The following KCNN2 variants were observed in gnomAD, a reference collection of about 807,000 sequenced individuals.
The protein encoded by KCNN2 is potassium calcium-activated channel subfamily N member 2.
A neutral mutation model predicts 55.5 loss-of-function variants in KCNN2; 24 were observed. That is an observed-to-expected ratio of 0.43 (90% CI 0.31 to 0.61). KCNN2 has a LOEUF of 0.61. KCNN2 is among the 20% of genes least tolerant of loss of function. KCNN2 has a pLI of 0.08. For missense variants in KCNN2, 754 were observed against 853.6 expected (o/e 0.88, Z 1.45); for synonymous variants, 431 against 336.1 (o/e 1.28, Z -3.09).
chr5:114,295,686 C>T lies in KCNN2; in HGVS notation c.-184-65259C>T, dbSNP rs565553299. Reference sequence around the variant, plus strand: ...CAATGCCTCACCCTGCTTCAGCTCACGCACGATGCACTAAACCCACTTTCC... The same window carrying T: ...CAATGCCTCACCCTGCTTCAGCTCATGCACGATGCACTAAACCCACTTTCC... On this transcript the variant is annotated intron_variant, in intron 2 of 10. Coordinates refer to the KCNN2 transcript ENST00000512097. Among the ~76,000 whole-genome samples the T allele has an allele frequency of 2.6e-4, 39 of 152,222 alleles. No homozygotes were observed. In the South Asian group the frequency reaches 4.6e-3, roughly 18 times the overall value.
At chr5:114,074,192 G>T (rs1750633234) in intron 1 of KCNN2, among the ~76,000 whole-genome samples, 1 of 151,898 alleles carries the variant, frequency 6.6e-6, no homozygotes, top group African/African-American at 2.4e-5. Context: ...TATGTTGATG[G>T]GATCTATCTT....
intron 6 of KCNN2, chr5:114,488,906 A>T (rs1747709923): frequency 6.6e-6 from 1 of 152,160 alleles, no homozygotes; most frequent in African/African-American, 2.4e-5. Context: ...GTGAGAAGGT[A>T]TGTATGTCCA....
chr5:114,079,781 A>G (rs898575182), intron 1 of KCNN2, among the ~76,000 whole-genome samples: 32 of 151,870 alleles, frequency 2.1e-4, no homozygotes, highest in Non-Finnish European at 7.4e-5. Context: ...TGCTGCAGCC[A>G]TCAGCTTTAA....
chr5:114,321,991 TTC>T (rs1270271292), intron 2 of KCNN2, among the ~76,000 whole-genome samples: 1 of 152,210 alleles, frequency 6.6e-6, no homozygotes, highest in Non-Finnish European at 1.5e-5. Flanking sequence ...TGTATTTAGC[TTC>T]TGTCTTCAGA....
chr5:114,297,243 A>C (rs911249683), intron 2 of KCNN2, among the ~76,000 whole-genome samples: 22 of 152,122 alleles, frequency 1.4e-4, no homozygotes, highest in Non-Finnish European at 2.8e-4. Flanking sequence ...ACTTAAGTCC[A>C]GGAGTTGGAG....
chr5:114,241,609 C>T (rs1754621456), intron 2 of KCNN2, among the ~76,000 whole-genome samples: 1 of 149,692 alleles, frequency 6.7e-6, no homozygotes. Flanking sequence ...AGCTAAGAAC[C>T]TTGTCTTTCA....
chr5:114,316,654 G>C (rs915390336), intron 2 of KCNN2, among the ~76,000 whole-genome samples: 2 of 152,070 alleles, frequency 1.3e-5, no homozygotes, highest in Non-Finnish European at 2.9e-5. Flanking sequence ...TGTTAACATG[G>C]TCCCCAAAAT....
intron 1 of KCNN2, among the ~76,000 whole-genome samples, chr5:114,134,160 G>A (rs554693501): frequency 1.2e-3 from 188 of 151,512 alleles, no homozygotes; most frequent in Middle Eastern, 3.4e-3. Flanking sequence ...GGCTAAGGCC[G>A]GCTTTTTTTT....
chr5:114,341,767 A>G (rs931104035), intron 2 of KCNN2, among the ~76,000 whole-genome samples: 3 of 152,300 alleles, frequency 2.0e-5, no homozygotes, highest in African/African-American at 7.2e-5. Flanking sequence ...GGACTTTTCT[A>G]TCCTTAGGTT....
chr5:114,321,660 T>TG (rs1554081356), intron 2 of KCNN2, among the ~76,000 whole-genome samples: 2 of 151,726 alleles, frequency 1.3e-5, no homozygotes, highest in African/African-American at 2.4e-5. Flanking sequence ...TGTTTTTTTT[T>TG]TTTGTTGTTG....
chr5:114,449,928 G>A (rs1322616114), intron 3 of KCNN2, among the ~76,000 whole-genome samples: 2 of 149,218 alleles, frequency 1.3e-5, no homozygotes, highest in African/African-American at 5.1e-5. Context: ...TCGCGTGCGC[G>A]CACTCTTCCC....
Position 114,212,023 on chromosome 5 carries a change from T to C in KCNN2, c.-270-9457T>C, listed in dbSNP as rs138234453. Among the ~76,000 whole-genome samples the C allele has an allele frequency of 8.7e-3, 1,322 of 151,708 alleles. 23 individuals are homozygous for C. Among genetic ancestry groups the C allele is most frequent in the African/African-American group, 0.029 (1,212 of 41,490 alleles). The stretch of plus-strand genomic sequence containing the variant: ...ATTTTATTATATGAGCATGTACTTA[T>C]TACATTTATTAAATATATGTTAAGT... On this transcript the variant is annotated intron_variant, in intron 1 of 10. Coordinates refer to the KCNN2 transcript ENST00000512097.
At chr5:114,161,963 T>C (rs1475657370) in intron 1 of KCNN2, among the ~76,000 whole-genome samples, 2 of 152,196 alleles carry the variant, frequency 1.3e-5, no homozygotes, top group South Asian at 2.1e-4. Flanking sequence ...TCCTTTAGCT[T>C]GGAGTAGTTT....
At chr5:114,065,857 T>G (rs1011531649) in intron 1 of KCNN2, among the ~76,000 whole-genome samples, 6 of 77,086 alleles carry the variant, frequency 7.8e-5, no homozygotes, top group African/African-American at 2.2e-4. Flanking sequence ...TTTTTTTTTT[T>G]TTTTTTTTTT....
intron 2 of KCNN2, among the ~76,000 whole-genome samples, chr5:114,278,857 C>A (rs913789111): frequency 6.6e-6 from 1 of 152,154 alleles, no homozygotes; most frequent in Non-Finnish European, 1.5e-5. Flanking sequence ...TACTTCAGCT[C>A]ACCCTCTGTG....
chr5:114,166,503 A>C (rs1752916449), intron 1 of KCNN2, among the ~76,000 whole-genome samples: 4 of 152,152 alleles, frequency 2.6e-5, no homozygotes, highest in African/African-American at 9.7e-5. Flanking sequence ...CTAACTGGTA[A>C]AACAATGTGA....
At chr5:114,154,024 G>C (rs577812191) in intron 1 of KCNN2, among the ~76,000 whole-genome samples, 7 of 152,230 alleles carry the variant, frequency 4.6e-5, no homozygotes, top group South Asian at 4.1e-4. Context: ...CCTGTGTTCT[G>C]GCCCCAGGTT....
At chr5:114,382,478 C>G (rs1216938168) in intron 2 of KCNN2, among the ~76,000 whole-genome samples, 1 of 152,166 alleles carries the variant, frequency 6.6e-6, no homozygotes, top group Non-Finnish European at 1.5e-5. Context: ...TAGTTACTCT[C>G]TAGTCTCGTG....
intron 2 of KCNN2, among the ~76,000 whole-genome samples, chr5:114,274,412 T>A (rs1031170876): frequency 6.6e-6 from 1 of 152,346 alleles, no homozygotes; most frequent in East Asian, 1.9e-4. Flanking sequence ...ATTGAATCTA[T>A]AAATTACTTT....
Sources: gnomAD v4.1 joint callset for allele counts (sites outside exome capture counted in the v4.1 genomes callset) on GRCh38, gnomAD v4.1.1 for gene constraint, MANE v1.5 for transcripts, NCBI Gene and HGNC (gene_info 2026-07-23, HGNC 2026-07-21) for gene names.